Variants in PTPRN2 observed in about 807,000 individuals in gnomAD.
PTPRN2 encodes receptor-type tyrosine-protein phosphatase N2.
Under a neutral mutation model 118.8 loss-of-function variants are expected in PTPRN2, and 74 were observed. The observed-to-expected ratio is 0.62, with a 90% confidence interval of 0.52 to 0.76. The LOEUF is 0.76. Ranked by LOEUF, PTPRN2 falls within the 30% of genes least tolerant of loss-of-function variation. PTPRN2 has a pLI of 0.00. For missense variants in PTPRN2, 1,481 were observed against 1,394.4 expected (o/e 1.06, Z -0.99); for synonymous variants, 641 against 608.0 (o/e 1.05, Z -0.80).
intron 3 of PTPRN2, among the ~76,000 whole-genome samples, chr7:158,218,275 G>T (rs988839928): frequency 6.6e-6 from 1 of 152,120 alleles, no homozygotes; most frequent in Non-Finnish European, 1.5e-5. Flanking sequence ...GAAGAGACTG[G>T]GGGCCCTATT....
intron 12 of PTPRN2, among the ~76,000 whole-genome samples, chr7:157,840,529 G>A (rs564782424): frequency 6.6e-6 from 1 of 152,346 alleles, no homozygotes; most frequent in South Asian, 2.1e-4. Flanking sequence ...GTGTAACCAT[G>A]TCCAGGCAGG....
chr7:157,540,813 C>A, intron 22 of PTPRN2, 28 bp from the exon 23 acceptor site: 1 of 1,532,878 alleles, frequency 6.5e-7, no homozygotes, highest in Non-Finnish European at 8.9e-7. Context: ...AGAGAAGTGC[C>A]AATGAGAGCG....
chr7:157,738,685 T>A (rs117167433), intron 12 of PTPRN2, among the ~76,000 whole-genome samples: 1 of 152,216 alleles, frequency 6.6e-6, no homozygotes, highest in Non-Finnish European at 1.5e-5. Context: ...AAATCAGAGC[T>A]CTGTGCTGTT....
intron 10 of PTPRN2, among the ~76,000 whole-genome samples, chr7:158,082,135 A>G (rs1812891310): frequency 6.6e-6 from 1 of 152,136 alleles, no homozygotes; most frequent in Non-Finnish European, 1.5e-5. Flanking sequence ...AAATCCCTGG[A>G]ACAGACAGGA....
intron 3 of PTPRN2, among the ~76,000 whole-genome samples, chr7:158,232,713 T>C (rs1829246129): frequency 1.3e-5 from 2 of 151,892 alleles, no homozygotes; most frequent in Admixed American, 1.3e-4. Flanking sequence ...AAGAACACAT[T>C]AAAAAGATCA....
chr7:158,210,692 C>T (rs1827530391), intron 3 of PTPRN2, among the ~76,000 whole-genome samples: 1 of 152,102 alleles, frequency 6.6e-6, no homozygotes. Flanking sequence ...TGAGCAACTA[C>T]ATGCCAGTAA....
At chr7:157,670,257 C>T (rs1396879741) in intron 13 of PTPRN2, among the ~76,000 whole-genome samples, 1 of 152,172 alleles carries the variant, frequency 6.6e-6, no homozygotes, top group Non-Finnish European at 1.5e-5. Context: ...GCTCACGGGA[C>T]CCGCGGTCAG....
intron 3 of PTPRN2, among the ~76,000 whole-genome samples, chr7:158,287,828 A>C (rs187795074): frequency 8.9e-4 from 136 of 152,260 alleles, no homozygotes; most frequent in Non-Finnish European, 1.6e-3. Flanking sequence ...TGTTATGTCC[A>C]TTTGGTCTAA....
chr7:158,264,391 T>C (rs1292122857), intron 3 of PTPRN2, among the ~76,000 whole-genome samples: 10 of 152,146 alleles, frequency 6.6e-5, no homozygotes, highest in Admixed American at 3.9e-4. Flanking sequence ...GCTGAGCTCT[T>C]CCTGCGTGCT....
intron 11 of PTPRN2, among the ~76,000 whole-genome samples, chr7:157,985,919 C>T (rs910735901): frequency 7.2e-5 from 11 of 151,854 alleles, no homozygotes; most frequent in Non-Finnish European, 1.3e-4. Flanking sequence ...GGGAGACCAG[C>T]CAGACAGCCC....
intron 11 of PTPRN2, among the ~76,000 whole-genome samples, chr7:158,014,876 C>CCATCCAT (rs1360993646): frequency 1.9e-5 from 2 of 103,516 alleles, no homozygotes; most frequent in African/African-American, 6.6e-5. Context: ...GTTCATTCAT[C>CCATCCAT]CATCCATCCC....
At chr7:158,404,875 T>C (rs34627064) in intron 2 of PTPRN2, among the ~76,000 whole-genome samples, 36,385 of 67,804 alleles carry the variant, frequency 0.54, 8,669 homozygotes, top group East Asian at 0.79. Context: ...CCCAGCTCCC[T>C]GGCCTCCAGC....
intron 11 of PTPRN2, among the ~76,000 whole-genome samples, chr7:157,993,393 G>A (rs1431634500): frequency 2.0e-5 from 3 of 151,536 alleles, no homozygotes; most frequent in Non-Finnish European, 4.4e-5. Flanking sequence ...GGGACATCCC[G>A]TACCTGGTCA....
chr7:158,249,595 C>G (rs1187451803), intron 3 of PTPRN2, among the ~76,000 whole-genome samples: 1 of 152,188 alleles, frequency 6.6e-6, no homozygotes, highest in East Asian at 1.9e-4. Context: ...GCATCACACA[C>G]ATGCACCATA....
At chr7:157,797,777 A>G (rs1397619416) in intron 12 of PTPRN2, among the ~76,000 whole-genome samples, 1 of 151,980 alleles carries the variant, frequency 6.6e-6, no homozygotes, top group Non-Finnish European at 1.5e-5. Context: ...ACATTTTCCT[A>G]TGTGTCCTCC....
intron 21 of PTPRN2, among the ~76,000 whole-genome samples, chr7:157,552,579 C>G (rs1798685144): frequency 6.6e-6 from 1 of 152,140 alleles, no homozygotes; most frequent in African/African-American, 2.4e-5. Flanking sequence ...TTGTCTTTGG[C>G]CATACGCTGC....
rs73522319 is a variant in PTPRN2, at chr7:158,261,444, C to G, written c.277+55375G>C. Among the ~76,000 whole-genome samples the G allele has an allele frequency of 1.5e-3, 224 of 152,226 alleles. 3 individuals are homozygous for G. Among genetic ancestry groups the G allele is most frequent in the African/African-American group, 5.2e-3 (215 of 41,538 alleles). ...GGACCCAGCCCAAGCCTCAGGGGCT[C>G]ACAGGCAGCGATGGGCCAAGGAAGG... On this transcript the variant is annotated intron_variant, in intron 3 of 22. Coordinates refer to ENST00000389418, the MANE Select transcript of PTPRN2 (RefSeq NM_002847.5).
chr7:157,821,417 T>C lies in PTPRN2; in HGVS notation c.1788+77256A>G, dbSNP rs576876672. On this transcript the variant is annotated intron_variant, in intron 12 of 22. Transcript: ENST00000389418. Reference sequence around the variant, plus strand: ...GAGGGAGGTGGTGTCTGGAGAGAAGTGTCCTGAGGAACCCAGCATTTGGAG... The same window carrying C: ...GAGGGAGGTGGTGTCTGGAGAGAAGCGTCCTGAGGAACCCAGCATTTGGAG... 4.6e-5 allele frequency among the ~76,000 whole-genome samples: 7 copies of C among 152,222 alleles called. No homozygotes were observed. In the East Asian group the frequency reaches 9.7e-4, roughly 21 times the overall value.
rs540694685 is a variant in PTPRN2 at position 158,247,499 on chromosome 7, G to A, written c.278-42226C>T. On this transcript the variant is annotated intron_variant, in intron 3 of 22. Coordinates refer to ENST00000389418, the MANE Select transcript of PTPRN2 (RefSeq NM_002847.5). Reference sequence around the variant, plus strand: ...CCCACCACGCCCATGTCCACGGCTCGTGGGCAGCTGGGCACTGGGCCACTC... The same window carrying A: ...CCCACCACGCCCATGTCCACGGCTCATGGGCAGCTGGGCACTGGGCCACTC... Among the ~76,000 whole-genome samples, 91 of 152,324 alleles carry A rather than the reference G, an allele frequency of 6.0e-4. 2 individuals are homozygous for A. In the South Asian group the frequency reaches 0.016, roughly 27 times the overall value.
Sources: allele counts gnomAD v4.1 joint callset (sites outside exome capture counted in the v4.1 genomes callset), GRCh38; gene constraint gnomAD v4.1.1; transcripts MANE v1.5; gene names NCBI Gene and HGNC (gene_info 2026-07-23, HGNC 2026-07-21).